DROSHA: variants seen among roughly 807,000 people sequenced by gnomAD.
The protein encoded by DROSHA is ribonuclease 3.
In DROSHA, 56 loss-of-function variants were observed where a neutral mutation model predicts 181.9. The observed-to-expected ratio is 0.31, with a 90% CI of 0.25 to 0.38. The LOEUF (loss-of-function observed/expected upper bound fraction) is 0.38. Ranked by LOEUF, DROSHA falls within the 10% of genes least tolerant of loss-of-function variation. The pLI, the probability that DROSHA is intolerant of heterozygous loss-of-function variation, is 1.00. For missense variants in DROSHA, 1,218 were observed against 1,743.5 expected (o/e 0.70, Z 5.37); for synonymous variants, 524 against 591.2 (o/e 0.89, Z 1.65).
At chr5:31,485,116 T>C (rs2150037622) in intron 14 of DROSHA, among the ~76,000 whole-genome samples, 154 bp from the exon 15 acceptor site, 1 of 152,330 alleles carries the variant, frequency 6.6e-6, no homozygotes, top group East Asian at 1.9e-4. Context: ...TGATCGCTAG[T>C]TTCAGATGGA....
Position 31,409,048 on chromosome 5 carries a change from G to T in DROSHA, c.3854+8C>A. 2 of 1,612,434 alleles carry T rather than the reference G, an allele frequency of 1.2e-6. No individual in the cohort carries two copies. The highest frequency in any genetic ancestry group is 1.7e-6 in the Non-Finnish European group (2 of 1,179,260). On this transcript the variant is annotated splice_region_variant and intron_variant, in intron 33 of 35. Transcript: ENST00000344624. This position sits in a 1 kb window ranked among gnomAD's most constrained non-coding sequence, Gnocchi z 4.0. ...CCAACCAATGGCCTGCAGGCAACAA[G>T]TACTTACTTGTACAGAGGAATGTCT...
intron 16 of DROSHA, 115 bp downstream of exon 16, chr5:31,483,439 A>G (rs1751274812): frequency 4.2e-6 from 4 of 953,282 alleles, no homozygotes; most frequent in East Asian, 5.1e-5. Flanking sequence ...CCTGAGAAGT[A>G]GATAATTAAC....
intron 23 of DROSHA, among the ~76,000 whole-genome samples, chr5:31,442,300 T>C (rs1389517742): frequency 6.6e-6 from 1 of 152,222 alleles, no homozygotes; most frequent in African/African-American, 2.4e-5. Context: ...AATACCACTT[T>C]AGTTTATTAT....
At chr5:31,416,324 T>C (rs1741946678) in intron 30 of DROSHA, among the ~76,000 whole-genome samples, 1 of 152,228 alleles carries the variant, frequency 6.6e-6, no homozygotes, top group Non-Finnish European at 1.5e-5. Flanking sequence ...TTCCCTCCAG[T>C]GCCACTGCCT....
chr5:31,521,959 T>C (rs1233787670), intron 5 of DROSHA, among the ~76,000 whole-genome samples: 1 of 152,122 alleles, frequency 6.6e-6, no homozygotes, highest in Non-Finnish European at 1.5e-5. Flanking sequence ...GAAGTAACCT[T>C]CCAATCTTAG....
intron 10 of DROSHA, among the ~76,000 whole-genome samples, chr5:31,508,098 CTTT>C (rs1175529489): frequency 6.6e-6 from 1 of 151,962 alleles, no homozygotes; most frequent in African/African-American, 2.4e-5. Flanking sequence ...TGACACAAAT[CTTT>C]TTTAACAATG....
At chr5:31,452,718 C>T (rs1747170988) in intron 20 of DROSHA, among the ~76,000 whole-genome samples, 1 of 152,160 alleles carries the variant, frequency 6.6e-6, no homozygotes, top group East Asian at 1.9e-4. Flanking sequence ...AAGATTCATT[C>T]TACCAAATAG....
intron 27 of DROSHA, among the ~76,000 whole-genome samples, chr5:31,424,766 C>T (rs1743273387): frequency 6.6e-6 from 1 of 152,180 alleles, no homozygotes; most frequent in Admixed American, 6.5e-5. Context: ...ATACACTGCA[C>T]TAAGCTGCTC....
intron 9 of DROSHA, 144 bp downstream of exon 9, chr5:31,510,891 C>A: frequency 1.0e-6 from 1 of 998,120 alleles, no homozygotes; most frequent in Non-Finnish European, 1.4e-6. Flanking sequence ...AGTTCTACTG[C>A]TATGTATCTT....
Position 31,409,367 on chromosome 5 carries a change from A to G in DROSHA, c.3668-35T>C. ...AAAGAATACTTTAAAATAAACCACA[A>G]TCACTGCCATCTATCAGAAAGAGTA... On this transcript the variant is annotated intron_variant, in intron 31 of 35. Coordinates refer to ENST00000344624, the MANE Select transcript of DROSHA (RefSeq NM_001382508.1). The surrounding 1 kb of genome is among the most constrained non-coding windows in gnomAD (Gnocchi z 4.0). 6.5e-7 allele frequency: 1 copy of G among 1,544,544 alleles called. No individual in the cohort carries two copies. The highest frequency in any genetic ancestry group is 8.8e-7 in the Non-Finnish European group (1 of 1,141,244).
chr5:31,520,094 G>A (rs555450273), intron 6 of DROSHA, among the ~76,000 whole-genome samples: 2 of 151,968 alleles, frequency 1.3e-5, no homozygotes, highest in South Asian at 2.1e-4. Flanking sequence ...GCTTTTTTTA[G>A]AGGTGGTGCA....
Position 31,457,718 on chromosome 5 carries a change from C to T in DROSHA, c.2575-6078G>A, listed in dbSNP as rs551652842. Among the ~76,000 whole-genome samples, 8 of 152,122 alleles carry T rather than the reference C, an allele frequency of 5.3e-5. No homozygotes were observed. The East Asian group carries it at 1.4e-3, about 26-fold the overall frequency. ...GAGCCTGGGCAACAAAACTAGACCCCATCTCTACAAAAAATTGAAAAATTA... is the reference window on the plus strand; with the variant it reads ...GAGCCTGGGCAACAAAACTAGACCCTATCTCTACAAAAAATTGAAAAATTA... On this transcript the variant is annotated intron_variant, in intron 20 of 35. Transcript: ENST00000344624.
At chr5:31,462,663 T>C (rs145898368) in intron 20 of DROSHA, among the ~76,000 whole-genome samples, 3 of 136,780 alleles carry the variant, frequency 2.2e-5, no homozygotes, top group Non-Finnish European at 4.7e-5. Context: ...GGCTCAATGC[T>C]TCAGAAAAAA....
At position 31,468,102 on chromosome 5, in the gene DROSHA, G is replaced by A. The variant is rs989256727; in HGVS notation, c.2242-39C>T. 2.5e-6 allele frequency: 4 copies of A among 1,587,704 alleles called. No individual in the cohort carries two copies. The African/African-American group carries it at 4.0e-5, about 16-fold the overall frequency. ...TCAAAGCCATTTATTCCCATAAGAA[G>A]TCTTTATGTATTGACTTTAACCTAA... is the stretch of plus-strand genomic sequence containing the variant. On this transcript the variant is annotated intron_variant, in intron 17 of 35. Transcript: ENST00000344624.
chr5:31,449,150 G>T, intron 22 of DROSHA, 131 bp downstream of exon 22: 3 of 1,040,974 alleles, frequency 2.9e-6, no homozygotes, highest in Admixed American at 3.3e-5. Context: ...AAAAAAAAAA[G>T]AGTCAGTAAG....
intron 29 of DROSHA, chr5:31,421,860 C>A (rs1192976626): frequency 3.3e-5 from 2 of 60,740 alleles, no homozygotes; most frequent in East Asian, 6.2e-4. Flanking sequence ...CATGAAGAAA[C>A]CCCATCTCTA....
chr5:31,526,501 G>A lies in DROSHA; in HGVS notation c.432C>T (p.Phe144=). Residue 144 remains phenylalanine, a synonymous_variant, in exon 5 of 36, where the codon TTC becomes TTT. Coordinates refer to ENST00000344624, the MANE Select transcript of DROSHA (RefSeq NM_001382508.1). ...GAGGCATGGAGGGAGGGGGCATCATGAAGGGGAAAGTGCCTTGTCCAGGAG... is the reference window on the plus strand; with the variant it reads ...GAGGCATGGAGGGAGGGGGCATCATAAAGGGGAAAGTGCCTTGTCCAGGAG... The part of the protein sequence containing the change: ...GAPPGQGTFP[F]MMPPPSMPHP... 1 of 1,587,602 alleles carries A rather than the reference G, an allele frequency of 6.3e-7. No individual in the cohort carries two copies. The highest frequency in any genetic ancestry group is 1.2e-5 in the South Asian group (1 of 86,116).
chr5:31,407,050 G>C, intron 33 of DROSHA, 105 bp from the exon 34 acceptor site: 1 of 780,360 alleles, frequency 1.3e-6, no homozygotes, highest in South Asian at 3.6e-5. Flanking sequence ...ACAGAGTTAA[G>C]TAAAATAACA....
intron 35 of DROSHA, among the ~76,000 whole-genome samples, chr5:31,404,348 C>T (rs573350661): frequency 2.0e-5 from 3 of 152,256 alleles, no homozygotes; most frequent in Admixed American, 2.0e-4. Flanking sequence ...TCCTAATAGC[C>T]AGCTTAAAAC....
Sources: allele counts gnomAD v4.1 joint callset (sites outside exome capture counted in the v4.1 genomes callset), GRCh38; gene constraint gnomAD v4.1.1; non-coding constraint Gnocchi (gnomAD v3.1); transcripts MANE v1.5; gene names NCBI Gene and HGNC (gene_info 2026-07-23, HGNC 2026-07-21).